Variants in FBXL4 observed in about 807,000 individuals in gnomAD.
The protein encoded by FBXL4 is F-box/LRR-repeat protein 4.
Under a neutral mutation model 58.9 loss-of-function variants are expected in FBXL4, and 40 were observed. That is an observed-to-expected ratio of 0.68 (90% CI 0.53 to 0.88). FBXL4 has a LOEUF of 0.88. Ranked by LOEUF, FBXL4 falls within the 40% of genes least tolerant of loss-of-function variation. FBXL4 has a pLI of 0.00. For synonymous variants in FBXL4, 263 were observed against 265.5 expected (o/e 0.99, Z 0.09); for missense variants, 676 against 734.4 (o/e 0.92, Z 0.92).
chr6:98,941,551 A>G (rs918004424), intron 1 of FBXL4, among the ~76,000 whole-genome samples: 3 of 152,144 alleles, frequency 2.0e-5, no homozygotes, highest in Non-Finnish European at 4.4e-5. Context: ...GGTTATGCAC[A>G]CGCTAGCTTA....
intron 8 of FBXL4, among the ~76,000 whole-genome samples, chr6:98,878,440 C>T (rs1170307907): frequency 6.6e-6 from 1 of 151,980 alleles, no homozygotes; most frequent in Non-Finnish European, 1.5e-5. Context: ...CTCCTGGGCT[C>T]AAGCAATCCT....
chr6:98,896,693 C>T (rs1323384091), intron 7 of FBXL4: 1 of 764,206 alleles, frequency 1.3e-6, no homozygotes, highest in Non-Finnish European at 1.6e-6. Flanking sequence ...TGATATTTTA[C>T]CAGATGAGCC....
chr6:98,905,738 A>T, intron 5 of FBXL4, 68 bp from the exon 6 acceptor site: 3 of 1,459,614 alleles, frequency 2.1e-6, no homozygotes, highest in South Asian at 2.4e-5. Context: ...AACATATAAC[A>T]TAATCTAATA....
intron 7 of FBXL4, among the ~76,000 whole-genome samples, chr6:98,895,557 A>G (rs959165273): frequency 2.6e-5 from 4 of 152,208 alleles, no homozygotes; most frequent in Non-Finnish European, 4.4e-5. Flanking sequence ...CCAAGGCCAC[A>G]AGACCTGAGT....
At position 98,870,185 on chromosome 6, in the gene FBXL4, G is replaced by A. The variant is rs899506484; in HGVS notation, c.*4093C>T. 3 of 152,124 alleles carry A rather than the reference G, an allele frequency of 2.0e-5. No homozygotes were observed. Among genetic ancestry groups the A allele is most frequent in the African/African-American group, 7.2e-5 (3 of 41,412 alleles). 9.4% of individuals were successfully genotyped at this position (152,124 alleles called of 1,614,324 possible). On this transcript the variant is annotated 3_prime_UTR_variant, in exon 10 of 10. Coordinates refer to ENST00000369244, the MANE Select transcript of FBXL4 (RefSeq NM_001278716.2). ...ATGGCAAAATGAGAATGATAACAGC[G>A]AATTAACAGGTTTGAATGTGGTTTA...
chr6:98,908,981 CTGAG>C (rs1267303651), intron 5 of FBXL4, among the ~76,000 whole-genome samples: 1 of 145,492 alleles, frequency 6.9e-6, no homozygotes, highest in African/African-American at 2.6e-5. Flanking sequence ...CAGAATGTTC[CTGAG>C]TATTTTCATA....
intron 6 of FBXL4, among the ~76,000 whole-genome samples, chr6:98,903,692 A>G (rs1314713108): frequency 6.6e-6 from 1 of 152,112 alleles, no homozygotes; most frequent in African/African-American, 2.4e-5. Flanking sequence ...AGCTGCATAA[A>G]GTTTTTAAAA....
chr6:98,904,877 T>G (rs1771740333), intron 6 of FBXL4, among the ~76,000 whole-genome samples: 1 of 152,278 alleles, frequency 6.6e-6, no homozygotes, highest in African/African-American at 2.4e-5. Flanking sequence ...GTAAGGAAAC[T>G]AAATGCTTAA....
intron 5 of FBXL4, among the ~76,000 whole-genome samples, chr6:98,911,441 A>G (rs1772062923): frequency 6.6e-6 from 1 of 152,224 alleles, no homozygotes; most frequent in African/African-American, 2.4e-5. Context: ...CAGTAGGGGC[A>G]GACTGACACC....
chr6:98,917,332 T>G (rs779530195), intron 5 of FBXL4, 42 bp downstream of exon 5: 3 of 1,294,654 alleles, frequency 2.3e-6, no homozygotes, highest in Non-Finnish European at 3.2e-6. Flanking sequence ...TAAAAATCTA[T>G]AGTGTTATAT....
Position 98,875,520 on chromosome 6 carries a change from G to C in FBXL4, c.1597C>G (p.Pro533Ala), listed in dbSNP as rs1444799155. ...GCFTRLAHQL[P>A]NLQKLFLTAN... ...GTAAGAAAGAGTTTTTGCAAGTTTG[G>C]GAGCTGGTGTGCCAGTCTGGTGAAG... Residue 533 changes from proline (P) to alanine (A), a missense_variant, in exon 9 of 10, where the codon CCA becomes GCA. Transcript: ENST00000369244. 9.3e-6 allele frequency: 15 copies of C among 1,614,122 alleles called. No homozygotes were observed. Among genetic ancestry groups the C allele is most frequent in the Non-Finnish European group, 1.3e-5 (15 of 1,180,000 alleles).
At chr6:98,920,792 G>A (rs1772549850) in intron 4 of FBXL4, among the ~76,000 whole-genome samples, 2 of 144,872 alleles carry the variant, frequency 1.4e-5, no homozygotes, top group Admixed American at 7.0e-5. Flanking sequence ...ATAAACATAC[G>A]CACATGTACA....
intron 7 of FBXL4, among the ~76,000 whole-genome samples, chr6:98,890,109 A>C (rs555258471): frequency 1.2e-4 from 19 of 152,288 alleles, no homozygotes; most frequent in Non-Finnish European, 2.6e-4. Context: ...ATTTTACATT[A>C]ATGTAAGTTT....
chr6:98,884,435 T>C (rs2128381199), intron 7 of FBXL4, among the ~76,000 whole-genome samples: 1 of 152,260 alleles, frequency 6.6e-6, no homozygotes, highest in Non-Finnish European at 1.5e-5. Context: ...TGTGCATATT[T>C]GAGATTTTTC....
chr6:98,899,685 A>C (rs1771534349), intron 6 of FBXL4, among the ~76,000 whole-genome samples: 1 of 152,216 alleles, frequency 6.6e-6, no homozygotes, highest in African/African-American at 2.4e-5. Flanking sequence ...TGAGAGAACA[A>C]AATGAATTCA....
intron 8 of FBXL4, 56 bp downstream of exon 8, chr6:98,880,497 T>G: frequency 7.0e-7 from 1 of 1,431,366 alleles, no homozygotes; most frequent in Non-Finnish European, 9.8e-7. Context: ...ATTTCACCCA[T>G]AGGAAGAAAA....
chr6:98,911,907 C>G (rs1483355149), intron 5 of FBXL4, among the ~76,000 whole-genome samples: 2 of 152,166 alleles, frequency 1.3e-5, no homozygotes, highest in East Asian at 1.9e-4. Flanking sequence ...AAACCAAAGG[C>G]AAAGAAGTTA....
At chr6:98,921,901 GTC>G (rs946024280) in intron 4 of FBXL4, among the ~76,000 whole-genome samples, 3 of 151,472 alleles carry the variant, frequency 2.0e-5, no homozygotes, top group Non-Finnish European at 4.4e-5. Context: ...CCGTTTCCTT[GTC>G]TCTCTCTTCC....
At chr6:98,927,648 C>T (rs1403680867) in intron 3 of FBXL4, 57 bp downstream of exon 3, 1 of 152,236 alleles carries the variant, frequency 6.6e-6, no homozygotes, top group Non-Finnish European at 1.5e-5. Flanking sequence ...TTTGTTAGGG[C>T]AGTCCATGGC....
Sources: allele counts gnomAD v4.1 joint callset (sites outside exome capture counted in the v4.1 genomes callset), GRCh38; gene constraint gnomAD v4.1.1; transcripts MANE v1.5; gene names NCBI Gene and HGNC (gene_info 2026-07-23, HGNC 2026-07-21).